The following SPATS2L variants were observed in gnomAD, a reference collection of about 807,000 sequenced individuals.
The protein encoded by SPATS2L is spermatogenesis associated serine rich 2 like.
Under a neutral mutation model 59.6 loss-of-function variants are expected in SPATS2L, and 30 were observed. That is an observed-to-expected ratio of 0.50 (90% CI 0.38 to 0.68). SPATS2L has a LOEUF of 0.68. Among genes scored for constraint, SPATS2L ranks in the 30% least tolerant of loss-of-function variants. SPATS2L has a pLI of 0.00. For synonymous variants in SPATS2L, 252 were observed against 263.5 expected (o/e 0.96, Z 0.42); for missense variants, 615 against 700.0 (o/e 0.88, Z 1.37).
At chr2:200,444,665 C>A (rs983184978) in intron 8 of SPATS2L, among the ~76,000 whole-genome samples, 1 of 152,082 alleles carries the variant, frequency 6.6e-6, no homozygotes, top group Non-Finnish European at 1.5e-5. Context: ...CGAAGCAATG[C>A]CAAGTCTGGC....
chr2:200,370,296 T>C (rs886819381), intron 2 of SPATS2L, among the ~76,000 whole-genome samples: 1 of 152,196 alleles, frequency 6.6e-6, no homozygotes, highest in Non-Finnish European at 1.5e-5. Context: ...TCCTGTTCAA[T>C]AGAATAAATG....
At chr2:200,448,886 T>C (rs1323513702) in intron 8 of SPATS2L, among the ~76,000 whole-genome samples, 3 of 152,242 alleles carry the variant, frequency 2.0e-5, no homozygotes, top group Non-Finnish European at 4.4e-5. Context: ...GAGCCATATG[T>C]ATGGTTTCCA....
chr2:200,449,383 C>T (rs911913380), intron 8 of SPATS2L, among the ~76,000 whole-genome samples: 3 of 152,216 alleles, frequency 2.0e-5, no homozygotes, highest in Non-Finnish European at 2.9e-5. Context: ...TACCTCCATA[C>T]GTTATGTCAG....
chr2:200,399,608 G>C (rs2082459458), intron 3 of SPATS2L, among the ~76,000 whole-genome samples: 3 of 152,050 alleles, frequency 2.0e-5, no homozygotes, highest in African/African-American at 7.2e-5. Context: ...AAATCATTGG[G>C]AAAACAAGAT....
chr2:200,328,303 G>A (rs1295207991), intron 1 of SPATS2L, among the ~76,000 whole-genome samples: 3 of 152,132 alleles, frequency 2.0e-5, no homozygotes, highest in African/African-American at 7.2e-5. Context: ...TGTGTCCTGT[G>A]TTATATCTTT....
At chr2:200,428,394 C>A (rs2083710917) in intron 6 of SPATS2L, among the ~76,000 whole-genome samples, 1 of 152,182 alleles carries the variant, frequency 6.6e-6, no homozygotes, top group African/African-American at 2.4e-5. Flanking sequence ...ATGACACTCT[C>A]CTGATTGTGT....
chr2:200,449,736 A>G (rs2085311673), intron 8 of SPATS2L, among the ~76,000 whole-genome samples: 1 of 152,246 alleles, frequency 6.6e-6, no homozygotes, highest in African/African-American at 2.4e-5. Context: ...ATTTGTTCTT[A>G]TATCTTAGTA....
chr2:200,471,831 C>T (rs1574735483), intron 11 of SPATS2L, among the ~76,000 whole-genome samples: 1 of 152,160 alleles, frequency 6.6e-6, no homozygotes, highest in African/African-American at 2.4e-5. Flanking sequence ...CTAGCAGAAC[C>T]CTGGGATTAA....
intron 2 of SPATS2L, among the ~76,000 whole-genome samples, chr2:200,338,371 G>C (rs538358871): frequency 2.0e-5 from 3 of 152,156 alleles, no homozygotes; most frequent in Non-Finnish European, 4.4e-5. Flanking sequence ...TTAGTAGATT[G>C]AGATCTTCTA....
chr2:200,365,641 C>G (rs2081246182), intron 2 of SPATS2L, among the ~76,000 whole-genome samples: 1 of 152,108 alleles, frequency 6.6e-6, no homozygotes, highest in Non-Finnish European at 1.5e-5. Context: ...CATGTTCTTC[C>G]TTTTTCTTTC....
intron 2 of SPATS2L, among the ~76,000 whole-genome samples, chr2:200,342,468 G>A (rs149934937): frequency 2.0e-4 from 30 of 152,318 alleles, no homozygotes; most frequent in South Asian, 4.1e-4. Context: ...TTCCTCCTCC[G>A]TCTGATGCTG....
intron 2 of SPATS2L, among the ~76,000 whole-genome samples, chr2:200,330,210 T>G (rs1396030620): frequency 2.6e-5 from 4 of 152,244 alleles, no homozygotes; most frequent in African/African-American, 4.8e-5. Flanking sequence ...AATAAAACAG[T>G]AACCAAAGAT....
At chr2:200,455,571 T>C (rs530415990) in intron 8 of SPATS2L, among the ~76,000 whole-genome samples, 11 of 152,220 alleles carry the variant, frequency 7.2e-5, no homozygotes, top group African/African-American at 2.7e-4. Context: ...AGGGCTGATA[T>C]GTGTCTGCAG....
intron 4 of SPATS2L, among the ~76,000 whole-genome samples, chr2:200,413,287 G>T (rs1349549483): frequency 4.3e-5 from 6 of 139,152 alleles, no homozygotes; most frequent in Non-Finnish European, 1.0e-4. Flanking sequence ...CAGAATATCA[G>T]TTTATCTTAT....
chr2:200,413,080 C>T (rs2082939372), intron 4 of SPATS2L, among the ~76,000 whole-genome samples: 1 of 152,032 alleles, frequency 6.6e-6, no homozygotes, highest in African/African-American at 2.4e-5. Context: ...TAAATGTGTC[C>T]TTTATTTGAT....
chr2:200,421,719 T>A (rs2083312983), intron 6 of SPATS2L, among the ~76,000 whole-genome samples: 1 of 152,190 alleles, frequency 6.6e-6, no homozygotes, highest in African/African-American at 2.4e-5. Context: ...TCTCCAGAAA[T>A]TTTTTTAATT....
Position 200,478,098 on chromosome 2 carries a change from C to T in SPATS2L, c.*67C>T, listed in dbSNP as rs2087681152. 4 of 1,436,804 alleles carry T rather than the reference C, an allele frequency of 2.8e-6. No homozygotes were observed. The highest frequency in any genetic ancestry group is 4.7e-5 in the Admixed American group (2 of 42,176). The allele number at this position is 1,436,804 out of a possible 1,614,324, so 89.0% of individuals were successfully genotyped here. A position where few individuals can be genotyped will look rare whatever the true frequency, so the allele number is the denominator to read the frequency against. On this transcript the variant is annotated 3_prime_UTR_variant, in exon 13 of 13. Coordinates refer to ENST00000409140, the MANE Select transcript of SPATS2L (RefSeq NM_001100423.2). ...CTGCCCGAGGTGCTGACCCAATTCG[C>T]TGCCAAAAGAGTGTCAATCAGAATA...
chr2:200,398,837 G>T (rs2082432066), intron 3 of SPATS2L, among the ~76,000 whole-genome samples: 1 of 152,056 alleles, frequency 6.6e-6, no homozygotes, highest in African/African-American at 2.4e-5. Flanking sequence ...GATGCCTCAG[G>T]TTGAACTTAG....
At chr2:200,359,965 G>A (rs539158764) in intron 2 of SPATS2L, among the ~76,000 whole-genome samples, 2 of 152,166 alleles carry the variant, frequency 1.3e-5, no homozygotes, top group East Asian at 3.9e-4. Flanking sequence ...TAATCCTTTG[G>A]GGGTGTAAGA....
Sources: gnomAD v4.1 joint callset for allele counts (sites outside exome capture counted in the v4.1 genomes callset) on GRCh38, gnomAD v4.1.1 for gene constraint, MANE v1.5 for transcripts, NCBI Gene and HGNC (gene_info 2026-07-23, HGNC 2026-07-21) for gene names.